ATXN1: variants seen among roughly 807,000 people sequenced by gnomAD.
ATXN1 encodes the protein ataxin 1.
A neutral mutation model predicts 56.4 loss-of-function variants in ATXN1; 8 were observed. The observed-to-expected ratio is 0.14, with a 90% CI of 0.08 to 0.26. The LOEUF is 0.26. ATXN1 is among the 10% of genes least tolerant of loss of function. The pLI, the probability that ATXN1 is intolerant of heterozygous loss-of-function variation, is 1.00. For synonymous variants in ATXN1, 514 were observed against 494.6 expected, an observed-to-expected ratio of 1.04 and a Z score of -0.52; for missense variants, 987 against 1,106.5, an observed-to-expected ratio of 0.89 and a Z score of 1.53.
intron 2 of ATXN1, among the ~76,000 whole-genome samples, chr6:16,679,221 A>AGGAG (rs1758750615): frequency 6.8e-6 from 1 of 147,892 alleles, no homozygotes; most frequent in African/African-American, 2.5e-5. Flanking sequence ...GATGGGTGGA[A>AGGAG]GGATGAATAG....
At chr6:16,423,887 G>A (rs2113569986) in intron 6 of ATXN1, among the ~76,000 whole-genome samples, 1 of 152,344 alleles carries the variant, frequency 6.6e-6, no homozygotes, top group South Asian at 2.1e-4. Context: ...TTCAGAGAGT[G>A]TCTATCTGAG....
chr6:16,674,210 G>A lies in ATXN1; in HGVS notation c.-614-16309C>T, dbSNP rs143814852. ...TATACTTATTCCCAGCCACAGGCAA[G>A]GGAAACATGGCTTTTCCACAATGAC... On this transcript the variant is annotated intron_variant, in intron 2 of 7. Coordinates refer to ENST00000436367, the MANE Select transcript of ATXN1 (RefSeq NM_001128164.2). 9.8e-3 allele frequency among the ~76,000 whole-genome samples: 1,489 copies of A among 152,108 alleles called. 16 individuals carry two copies. The highest frequency in any genetic ancestry group is 0.062 in the Middle Eastern group (18 of 292).
intron 6 of ATXN1, among the ~76,000 whole-genome samples, chr6:16,335,333 A>T (rs971222595): frequency 4.6e-5 from 7 of 152,178 alleles, no homozygotes; most frequent in Non-Finnish European, 8.8e-5. Context: ...GCCAGAAACC[A>T]CCAGAGAGGC....
At chr6:16,559,968 C>T (rs568860972) in intron 4 of ATXN1, among the ~76,000 whole-genome samples, 17 of 152,104 alleles carry the variant, frequency 1.1e-4, no homozygotes, top group South Asian at 1.0e-3. Context: ...ATGTCTGCAC[C>T]GCCTCCCCAC....
chr6:16,685,296 A>G (rs2113407738), intron 2 of ATXN1, among the ~76,000 whole-genome samples: 1 of 152,324 alleles, frequency 6.6e-6, no homozygotes, highest in African/African-American at 2.4e-5. Flanking sequence ...GCTTTTGCCC[A>G]ATGACACTGA....
chr6:16,648,628 G>A (rs1223684743), intron 3 of ATXN1, among the ~76,000 whole-genome samples: 1 of 152,218 alleles, frequency 6.6e-6, no homozygotes, highest in Non-Finnish European at 1.5e-5. Flanking sequence ...TGAATGCAAA[G>A]ATCAGGACAG....
intron 6 of ATXN1, among the ~76,000 whole-genome samples, chr6:16,343,528 C>T (rs73364711): frequency 6.6e-6 from 1 of 152,040 alleles, no homozygotes; most frequent in East Asian, 1.9e-4. Context: ...GCCCTTAAAG[C>T]TGTATGCCCT....
chr6:16,731,204 CA>C (rs373847431), intron 2 of ATXN1, among the ~76,000 whole-genome samples: 22 of 146,038 alleles, frequency 1.5e-4, no homozygotes, highest in Non-Finnish European at 1.5e-4. Context: ...GCAGTTTGTG[CA>C]AAAAAAAAAT....
chr6:16,397,135 T>C (rs892288336), intron 6 of ATXN1, among the ~76,000 whole-genome samples: 1 of 152,256 alleles, frequency 6.6e-6, no homozygotes, highest in African/African-American at 2.4e-5. Context: ...AATCTCATGG[T>C]TGGTAATGTC....
chr6:16,322,307 CA>C (rs368115532), intron 7 of ATXN1, among the ~76,000 whole-genome samples: 1 of 152,234 alleles, frequency 6.6e-6, no homozygotes, highest in East Asian at 1.9e-4. Flanking sequence ...TGCTGCAGCT[CA>C]GAGAGGTGAA....
At chr6:16,611,223 T>G (rs992310882) in intron 3 of ATXN1, among the ~76,000 whole-genome samples, 1 of 152,146 alleles carries the variant, frequency 6.6e-6, no homozygotes, top group African/African-American at 2.4e-5. Context: ...CAAAGGAGAA[T>G]AAAATGTGTT....
chr6:16,413,398 C>G (rs4712283), intron 6 of ATXN1, among the ~76,000 whole-genome samples: 1 of 151,772 alleles, frequency 6.6e-6, no homozygotes, highest in African/African-American at 2.4e-5. Flanking sequence ...AGATGCGGCT[C>G]GGGACCCATT....
intron 1 of ATXN1, chr6:16,754,124 G>A (rs984877673): frequency 6.6e-6 from 1 of 152,056 alleles, no homozygotes; most frequent in African/African-American, 2.4e-5. Context: ...TTGAGGACTC[G>A]ATCTGCTAAC....
At chr6:16,374,004 T>C (rs1057512358) in intron 6 of ATXN1, among the ~76,000 whole-genome samples, 9 of 152,122 alleles carry the variant, frequency 5.9e-5, no homozygotes, top group Admixed American at 1.3e-4. Flanking sequence ...TAGGCACATG[T>C]TACATAAAGC....
At chr6:16,319,040 G>T (rs1760583299) in intron 7 of ATXN1, among the ~76,000 whole-genome samples, 1 of 152,016 alleles carries the variant, frequency 6.6e-6, no homozygotes, top group African/African-American at 2.4e-5. Context: ...AACATGGCAA[G>T]ACCCCGTCTC....
intron 2 of ATXN1, among the ~76,000 whole-genome samples, chr6:16,663,232 G>C (rs6459480): frequency 6.6e-6 from 1 of 151,552 alleles, no homozygotes; most frequent in Admixed American, 6.6e-5. Context: ...GCCTCCCGAA[G>C]TGCTAGGATT....
chr6:16,761,153 G>A, intron 1 of ATXN1, 145 bp downstream of exon 1: 1 of 368,066 alleles, frequency 2.7e-6, no homozygotes, highest in Non-Finnish European at 5.3e-6. Flanking sequence ...CCGTGCAGCC[G>A]ATTGGGGTTT....
chr6:16,662,350 G>A (rs543858790), intron 2 of ATXN1, among the ~76,000 whole-genome samples: 2 of 145,916 alleles, frequency 1.4e-5, no homozygotes, highest in Admixed American at 6.8e-5. Flanking sequence ...TTTTTTTTTT[G>A]AAATAGAGTT....
chr6:16,351,221 C>A (rs139244424), intron 6 of ATXN1, among the ~76,000 whole-genome samples: 30 of 152,198 alleles, frequency 2.0e-4, no homozygotes, highest in African/African-American at 7.0e-4. Context: ...ATGTTCATTT[C>A]TTTTTCTTTT....
Sources: allele counts gnomAD v4.1 joint callset (sites outside exome capture counted in the v4.1 genomes callset), GRCh38; gene constraint gnomAD v4.1.1; transcripts MANE v1.5; gene names NCBI Gene and HGNC (gene_info 2026-07-23, HGNC 2026-07-21).